TEX11: variants seen among roughly 807,000 people sequenced by gnomAD.
TEX11 encodes testis expressed 11, also known as testis-expressed protein 11.
A neutral mutation model predicts 84.4 loss-of-function variants in TEX11; 7 were observed. The observed-to-expected ratio is 0.08, with a 90% CI of 0.05 to 0.16. The LOEUF (loss-of-function observed/expected upper bound fraction) is 0.16. Ranked by LOEUF, TEX11 falls within the 10% of genes least tolerant of loss-of-function variation. TEX11 has a pLI of 1.00. For missense variants in TEX11, 551 were observed against 660.5 expected, an observed-to-expected ratio of 0.83 and a Z score of 1.82; for synonymous variants, 264 against 222.8, an observed-to-expected ratio of 1.18 and a Z score of -1.64.
At chrX:70,863,980 G>A (rs1181766912) in intron 4 of TEX11, among the ~76,000 whole-genome samples, 1 of 111,707 alleles carries the variant, frequency 9.0e-6, no homozygotes, top group Non-Finnish European at 1.9e-5. Flanking sequence ...GTCAGAGATT[G>A]AAGACCGTTG....
chrX:70,661,191 T>C (rs112372573), intron 16 of TEX11, among the ~76,000 whole-genome samples: 1,248 of 112,153 alleles, frequency 0.011, 22 homozygotes, highest in African/African-American at 0.038. Context: ...ACTGCACTTT[T>C]CCAAGGGTCT....
intron 9 of TEX11, among the ~76,000 whole-genome samples, chrX:70,788,963 TATATATATATAGAGAGAG>T (rs1235002810): frequency 1.9e-3 from 83 of 43,767 alleles, no homozygotes; most frequent in African/African-American, 3.5e-3. Flanking sequence ...TATATATATA[TATATATATATAGAGAGAG>T]AGAGAGAGAG....
At chrX:70,593,056 AAC>A (rs56116828) in intron 24 of TEX11, among the ~76,000 whole-genome samples, 22,704 of 95,621 alleles carry the variant, frequency 0.24, 2,437 homozygotes, top group Middle Eastern at 0.35. Flanking sequence ...AGAGCATTTT[AAC>A]ACACACACAC....
At chrX:70,831,522 G>A (rs927151243) in intron 8 of TEX11, among the ~76,000 whole-genome samples, 2 of 111,173 alleles carry the variant, frequency 1.8e-5, no homozygotes, top group African/African-American at 3.3e-5. Flanking sequence ...CCAGCTACTC[G>A]AGAGGCTGAG....
rs759454743 is a variant in TEX11, at chrX:70,557,507, G to A, written c.2141-2707C>T. On this transcript the variant is annotated intron_variant, in intron 25 of 29. Coordinates refer to ENST00000374333, the MANE Select transcript of TEX11 (RefSeq NM_031276.3). ...AGAAAAAGAAAGAATTAGTGTGTAC[G>A]TTTATAGTTTTTAGTGTATAAGTTA... is the stretch of plus-strand genomic sequence containing the variant. Among the ~76,000 whole-genome samples, 177 of 110,441 alleles carry A rather than the reference G, an allele frequency of 1.6e-3. 1 individual carries two copies. The highest frequency in any genetic ancestry group is 5.7e-3 in the African/African-American group (172 of 30,420).
intron 9 of TEX11, among the ~76,000 whole-genome samples, chrX:70,759,161 G>T (rs1229893783): frequency 1.8e-5 from 2 of 111,424 alleles, no homozygotes; most frequent in Admixed American, 1.9e-4. Context: ...AGGACCAGAC[G>T]GACTCACAGC....
chrX:70,676,312 C>T (rs1386705206), intron 15 of TEX11, among the ~76,000 whole-genome samples: 1 of 112,343 alleles, frequency 8.9e-6, no homozygotes, highest in East Asian at 2.8e-4. Flanking sequence ...ATAGTGGCTA[C>T]ACTATTTTAC....
At chrX:70,800,796 G>C (rs1256540368) in intron 9 of TEX11, among the ~76,000 whole-genome samples, 1 of 105,161 alleles carries the variant, frequency 9.5e-6, no homozygotes, top group Non-Finnish European at 1.9e-5. Context: ...GGGTTCAAGT[G>C]ATCCTCCCAC....
At chrX:70,875,379 T>C (rs780630616) in intron 3 of TEX11, among the ~76,000 whole-genome samples, 8 of 109,406 alleles carry the variant, frequency 7.3e-5, no homozygotes, top group Admixed American at 4.0e-4. Context: ...AATATAAATA[T>C]CCAATAATAA....
At chrX:70,761,408 C>T (rs1237962847) in intron 9 of TEX11, among the ~76,000 whole-genome samples, 1 of 111,908 alleles carries the variant, frequency 8.9e-6, no homozygotes, top group African/African-American at 3.2e-5. Flanking sequence ...GGCACATATA[C>T]ACCATGGAAC....
Position 70,529,744 on chromosome X carries a change from A to G in TEX11, c.2685+91T>C, listed in dbSNP as rs193020731. ...AATGAGCAAGATCCTTTCCTAGCCA[A>G]GGAGGATGGGGTTGAGTCCTTGTGG... On this transcript the variant is annotated intron_variant, in intron 29 of 29. Coordinates refer to ENST00000374333, the MANE Select transcript of TEX11 (RefSeq NM_031276.3). 160 of 925,732 alleles carry G rather than the reference A, an allele frequency of 1.7e-4. 2 individuals are homozygous for G. In the East Asian group the frequency reaches 5.5e-3, roughly 32 times the overall value. The allele number at this position is 925,732 out of a possible 1,213,427, so 76.3% of individuals were successfully genotyped here.
intron 25 of TEX11, among the ~76,000 whole-genome samples, chrX:70,556,530 T>A (rs2088288931): frequency 3.6e-5 from 4 of 111,754 alleles, no homozygotes; most frequent in African/African-American, 1.3e-4. Flanking sequence ...TTTTTGAAGT[T>A]TGTTTCGTGG....
intron 25 of TEX11, among the ~76,000 whole-genome samples, chrX:70,569,456 C>G (rs1603081700): frequency 8.9e-6 from 1 of 112,110 alleles, no homozygotes; most frequent in South Asian, 3.8e-4. Flanking sequence ...TAAGGAGCTG[C>G]GTTCCTTTGG....
Position 70,857,644 on chromosome X carries a change from T to G in TEX11, c.324+3213A>C, listed in dbSNP as rs541839573. The G allele has an allele frequency of 3.7e-4, 101 of 274,514 alleles. 1 individual carries two copies. In the South Asian group the frequency reaches 4.1e-3, roughly 11 times the overall value. The allele number at this position is 274,514 out of a possible 1,213,427, so 22.6% of individuals were successfully genotyped here. On this transcript the variant is annotated intron_variant, in intron 5 of 29. Coordinates refer to ENST00000374333, the MANE Select transcript of TEX11 (RefSeq NM_031276.3). ...ATAAGAAAAATGATATCAGAAGGAC[T>G]AGACCCAGATCTTCTTGAGAGGTCA...
chrX:70,755,854 G>A (rs1461285924), intron 9 of TEX11, among the ~76,000 whole-genome samples: 2 of 112,457 alleles, frequency 1.8e-5, no homozygotes, highest in Non-Finnish European at 3.8e-5. Flanking sequence ...GGGAAGCCAT[G>A]ACAGTCTGTA....
At chrX:70,772,306 G>A (rs1295483786) in intron 9 of TEX11, among the ~76,000 whole-genome samples, 1 of 112,030 alleles carries the variant, frequency 8.9e-6, no homozygotes, top group Non-Finnish European at 1.9e-5. Context: ...CAGGTGTGGT[G>A]GCTCATACCT....
chrX:70,597,018 T>C (rs1054746667), intron 24 of TEX11, among the ~76,000 whole-genome samples: 2 of 111,820 alleles, frequency 1.8e-5, no homozygotes, highest in African/African-American at 6.5e-5. Context: ...ATAACTTAGA[T>C]GTAATGGATA....
At chrX:70,678,711 T>C in intron 15 of TEX11, 93 bp downstream of exon 15, 1 of 645,984 alleles carries the variant, frequency 1.5e-6, no homozygotes, top group Non-Finnish European at 2.4e-6. Context: ...CAGAGATTAT[T>C]GAAGTATTTG....
chrX:70,811,202 C>A, intron 8 of TEX11, among the ~76,000 whole-genome samples: 1 of 104,895 alleles, frequency 9.5e-6, no homozygotes, highest in Admixed American at 1.0e-4. Context: ...CAGGCCCCAG[C>A]GTCTGATGTT....
Sources: allele counts gnomAD v4.1 joint callset (sites outside exome capture counted in the v4.1 genomes callset), GRCh38; gene constraint gnomAD v4.1.1; transcripts MANE v1.5; gene names NCBI Gene and HGNC (gene_info 2026-07-23, HGNC 2026-07-21).